The following MYOM2 variants were observed in gnomAD, a reference collection of about 807,000 sequenced individuals.
MYOM2 encodes myomesin 2.
MYOM2 carries 254 observed loss-of-function variants against 187.6 expected under a neutral mutation model. That is an observed-to-expected ratio of 1.35 (90% CI 1.22 to 1.50). The LOEUF is 1.50. Ranked by LOEUF, MYOM2 falls within the 40% of genes most tolerant of loss-of-function variation. The probability of loss-of-function intolerance (pLI) is 0.00; values close to 1 mark genes in which losing one functional copy is unlikely to be tolerated. For missense variants in MYOM2, 2,796 were observed against 1,924.0 expected (o/e 1.45, Z -8.48); for synonymous variants, 981 against 753.8 (o/e 1.30, Z -4.94).
At chr8:2,067,169 A>G (rs1186297857) in intron 6 of MYOM2, among the ~76,000 whole-genome samples, 1 of 152,228 alleles carries the variant, frequency 6.6e-6, no homozygotes, top group East Asian at 1.9e-4. Context: ...TTTTGATCTA[A>G]GAAAATATTT....
chr8:2,117,868 C>G lies in MYOM2; in HGVS notation c.3386-17C>G. 1 of 1,588,318 alleles carries G rather than the reference C, an allele frequency of 6.3e-7. No individual in the cohort carries two copies. The highest frequency in any genetic ancestry group is 2.3e-5 in the East Asian group (1 of 44,284). On this transcript the variant is annotated splice_polypyrimidine_tract_variant and intron_variant, in intron 27 of 36. Transcript: ENST00000262113. ...TTTTCCTTTTTTATATGTTTTCTTC[C>G]CTTTTTTCCTCCCTAGGCCCTCATT...
chr8:2,127,493 G>A (rs1430432422), intron 31 of MYOM2, among the ~76,000 whole-genome samples: 1 of 152,240 alleles, frequency 6.6e-6, no homozygotes, highest in Non-Finnish European at 1.5e-5. Flanking sequence ...TTCCTCCCCT[G>A]TTGTCCCTCA....
chr8:2,071,803 AG>A (rs1249698610), intron 8 of MYOM2, among the ~76,000 whole-genome samples: 1 of 152,154 alleles, frequency 6.6e-6, no homozygotes, highest in East Asian at 1.9e-4. Context: ...GCTTCTGGTG[AG>A]GAGCCTCCTC....
In MYOM2 at chr8:2,106,512, T is replaced by C. The variant is rs1294589813; in HGVS notation, c.2913T>C (p.Asn971=). 1.9e-6 allele frequency: 3 copies of C among 1,612,428 alleles called. No homozygotes were observed. The highest frequency in any genetic ancestry group is 2.5e-6 in the Non-Finnish European group (3 of 1,178,554). The change falls in exon 23 of 37, where the codon AAT becomes AAC. Residue 971 remains asparagine (N), a synonymous_variant. Transcript: ENST00000262113. ...TTAGCTCCAAGCTGTACTTAAAGAA[T>C]CCGGATAAGGAGGATTTAGGGACTT... ...VGDHSKLYLK[N]PDKEDLGTYS... is the part of the protein sequence containing the mutation.
intron 8 of MYOM2, among the ~76,000 whole-genome samples, chr8:2,070,329 C>T (rs1484480626): frequency 1.3e-5 from 2 of 152,236 alleles, no homozygotes; most frequent in Non-Finnish European, 2.9e-5. Flanking sequence ...TTGACCGAAG[C>T]AACGATGGAG....
chr8:2,078,763 A>G lies in MYOM2; in HGVS notation c.1292A>G (p.Gln431Arg), dbSNP rs550285917. The G allele has an allele frequency of 5.9e-5, 96 of 1,614,210 alleles. 2 individuals are homozygous for G. In the South Asian group the frequency reaches 1.0e-3, roughly 17 times the overall value. ...GAAGTAGGAACGAATAATTGGGTGC[A>G]GTGCAATGATGCACCGGTGAAAATC... Reference protein sequence around the residue: ...RCEVGTNNWVQCNDAPVKICK... With the variant: ...RCEVGTNNWVRCNDAPVKICK... Residue 431 changes from glutamine (Q) to arginine (R), a missense_variant, in exon 12 of 37, where the codon CAG becomes CGG. Coordinates refer to ENST00000262113, the MANE Select transcript of MYOM2 (RefSeq NM_003970.4).
At chr8:2,079,507 C>A (rs538495082) in intron 12 of MYOM2, 53 bp from the exon 13 acceptor site, 1 of 1,586,974 alleles carries the variant, frequency 6.3e-7, no homozygotes, top group Non-Finnish European at 8.7e-7. Context: ...GGAAAACGGG[C>A]TTTTGGGGAA....
chr8:2,103,987 T>C (rs1454354466), intron 21 of MYOM2, among the ~76,000 whole-genome samples: 1 of 152,160 alleles, frequency 6.6e-6, no homozygotes, highest in African/African-American at 2.4e-5. Flanking sequence ...AAATGAAGTA[T>C]GCAATTAAAT....
intron 8 of MYOM2, among the ~76,000 whole-genome samples, chr8:2,071,054 A>G (rs1246141428): frequency 6.6e-6 from 1 of 152,000 alleles, no homozygotes; most frequent in East Asian, 1.9e-4. Context: ...TGCAGCCTTG[A>G]TCTCCCTGGC....
At chr8:2,102,352 AC>A in intron 20 of MYOM2, 1 of 256,006 alleles carries the variant, frequency 3.9e-6, no homozygotes, top group African/African-American at 2.2e-5. Context: ...ATTTGGTTCC[AC>A]AGAATTATGT....
intron 1 of MYOM2, among the ~76,000 whole-genome samples, chr8:2,046,744 CT>C (rs1287620732): frequency 1.1e-5 from 1 of 90,172 alleles, no homozygotes; most frequent in Non-Finnish European, 2.7e-5. Context: ...CTCTCTCTTT[CT>C]TTTTTCTTTT....
chr8:2,047,143 C>G (rs10105544), intron 1 of MYOM2, among the ~76,000 whole-genome samples: 129,415 of 152,180 alleles, frequency 0.85, 55,311 homozygotes, highest in East Asian at 1. Flanking sequence ...AGGGATGCTC[C>G]ACCTGTAGGG....
At chr8:2,063,095 C>T (rs12542139) in intron 6 of MYOM2, among the ~76,000 whole-genome samples, 34,159 of 152,100 alleles carry the variant, frequency 0.22, 4,506 homozygotes, top group Non-Finnish European at 0.28. Context: ...CCAAGACCAC[C>T]TTTTGTCTCA....
rs1796076192 is a variant in MYOM2, at chr8:2,086,497, C to CTGTCATGATCTCTGCGTGGCCCCA, written c.1644+1107_1644+1108insTGTCATGATCTCTGCGTGGCCCCA. Reference sequence around the variant, plus strand: ...ACTGTCATGATCTCTGTGTGGCCCCCCACTGTCGTGATCTCTGCGTGGCCC... The same window carrying CTGTCATGATCTCTGCGTGGCCCCA: ...ACTGTCATGATCTCTGTGTGGCCCCCTGTCATGATCTCTGCGTGGCCCCACACTGTCGTGATCTCTGCGTGGCCC... On this transcript the variant is annotated intron_variant, in intron 14 of 36. Transcript: ENST00000262113. Among the ~76,000 whole-genome samples the CTGTCATGATCTCTGCGTGGCCCCA allele has an allele frequency of 1.4e-5, 2 of 141,902 alleles. 1 individual carries two copies. The highest frequency in any genetic ancestry group is 5.3e-5 in the African/African-American group (2 of 37,852). 93.1% of individuals were successfully genotyped at this position (141,902 alleles called of 152,430 possible).
intron 18 of MYOM2, 92 bp from the exon 19 acceptor site, chr8:2,098,765 T>C (rs943985464): frequency 7.4e-7 from 1 of 1,351,100 alleles, no homozygotes; most frequent in Non-Finnish European, 9.9e-7. Flanking sequence ...TCTCATATTT[T>C]ATTTCACAAG....
At chr8:2,124,390 G>A (rs1319382101) in intron 31 of MYOM2, among the ~76,000 whole-genome samples, 173 bp downstream of exon 31, 1 of 152,158 alleles carries the variant, frequency 6.6e-6, no homozygotes, top group African/African-American at 2.4e-5. Context: ...GCTTTTTAAA[G>A]GACTTCCCTC....
chr8:2,082,036 T>A (rs1819647962), intron 13 of MYOM2: 1 of 152,200 alleles, frequency 6.6e-6, no homozygotes, highest in Non-Finnish European at 1.5e-5. Context: ...TGCGGTGGGT[T>A]ATGGGAGGCT....
At position 2,072,894 on chromosome 8, in the gene MYOM2, C is replaced by T. The variant is rs570189000; in HGVS notation, c.958+385C>T. Reference sequence around the variant, plus strand: ...ATTGAGATTCTTTTCTTCCTTCCATCCAGTCATTTTGTTTTTAGAGTTTGA... The same window carrying T: ...ATTGAGATTCTTTTCTTCCTTCCATTCAGTCATTTTGTTTTTAGAGTTTGA... On this transcript the variant is annotated intron_variant, in intron 9 of 36. Transcript: ENST00000262113. Among the ~76,000 whole-genome samples, 9 of 152,310 alleles carry T rather than the reference C, an allele frequency of 5.9e-5. No individual in the cohort carries two copies. In the South Asian group the frequency reaches 1.7e-3, roughly 28 times the overall value.
At chr8:2,073,104 G>A (rs76976265) in intron 9 of MYOM2, among the ~76,000 whole-genome samples, 2,480 of 152,314 alleles carry the variant, frequency 0.016, 43 homozygotes, top group Middle Eastern at 0.037. Context: ...CTCGCAGCAC[G>A]TCCCACTTTG....
Sources: allele counts gnomAD v4.1 joint callset (sites outside exome capture counted in the v4.1 genomes callset), GRCh38; gene constraint gnomAD v4.1.1; transcripts MANE v1.5; gene names NCBI Gene and HGNC (gene_info 2026-07-23, HGNC 2026-07-21).